The following KCNK5 variants were observed in gnomAD, a reference collection of about 807,000 sequenced individuals.
The protein encoded by KCNK5 is potassium two pore domain channel subfamily K member 5.
A neutral mutation model predicts 32.9 loss-of-function variants in KCNK5; 18 were observed. The observed-to-expected ratio is 0.55, with a 90% CI of 0.38 to 0.81. The LOEUF (loss-of-function observed/expected upper bound fraction) is 0.81, where lower values mean the gene tolerates loss of function less well. Among genes scored for constraint, KCNK5 ranks in the 30% least tolerant of loss-of-function variants. KCNK5 has a pLI of 0.00. For synonymous variants in KCNK5, 276 were observed against 275.3 expected (o/e 1.00, Z -0.03); for missense variants, 507 against 651.0 (o/e 0.78, Z 2.41).
At chr6:39,210,430 C>T (rs1288965325) in intron 1 of KCNK5, among the ~76,000 whole-genome samples, 8 of 152,172 alleles carry the variant, frequency 5.3e-5, no homozygotes, top group African/African-American at 1.9e-4. Context: ...GGGCCATGCC[C>T]CTCTTTGGAG....
Position 39,203,833 on chromosome 6 carries a change from G to C in KCNK5, c.187-7846C>G, listed in dbSNP as rs548844727. Among the ~76,000 whole-genome samples, 8 of 152,256 alleles carry C rather than the reference G, an allele frequency of 5.3e-5. No individual in the cohort carries two copies. The South Asian group carries it at 1.7e-3, about 32-fold the overall frequency. On this transcript the variant is annotated intron_variant, in intron 1 of 4. Coordinates refer to ENST00000359534, the MANE Select transcript of KCNK5 (RefSeq NM_003740.4). ...GGGGCTGCCCTAGTGGAAGCTGACA[G>C]GGGGAGGGAGGCTCAGGCCTTCTCC...
At chr6:39,217,364 G>A (rs1328563253) in intron 1 of KCNK5, among the ~76,000 whole-genome samples, 4 of 151,984 alleles carry the variant, frequency 2.6e-5, no homozygotes, top group African/African-American at 4.8e-5. Flanking sequence ...AGATGCTGGC[G>A]GGTCTTCTGA....
At chr6:39,216,917 T>A (rs1410370749) in intron 1 of KCNK5, among the ~76,000 whole-genome samples, 1 of 150,304 alleles carries the variant, frequency 6.7e-6, no homozygotes, top group Non-Finnish European at 1.5e-5. Context: ...AGGTCAAGAG[T>A]TCGAGAACCG....
intron 1 of KCNK5, among the ~76,000 whole-genome samples, chr6:39,221,215 C>T (rs1296916784): frequency 6.6e-6 from 1 of 152,176 alleles, no homozygotes; most frequent in East Asian, 1.9e-4. Context: ...AGGGTGGCTG[C>T]CATGATTCAG....
chr6:39,219,316 T>C (rs1771500531), intron 1 of KCNK5, among the ~76,000 whole-genome samples: 1 of 152,158 alleles, frequency 6.6e-6, no homozygotes, highest in Non-Finnish European at 1.5e-5. Context: ...AATAAGCTGG[T>C]CTTGAAGGCT....
chr6:39,227,126 G>A (rs1317184045), intron 1 of KCNK5, among the ~76,000 whole-genome samples: 1 of 114,000 alleles, frequency 8.8e-6, no homozygotes, highest in Non-Finnish European at 1.8e-5. Context: ...CCCGCCGTAT[G>A]CCCCGCCAGC....
Position 39,229,209 on chromosome 6 carries a change from G to A in KCNK5, c.-98C>T, listed in dbSNP as rs1472624138. 4 of 1,276,338 alleles carry A rather than the reference G, an allele frequency of 3.1e-6. No individual in the cohort carries two copies. The highest frequency in any genetic ancestry group is 4.4e-6 in the Non-Finnish European group (4 of 919,186). The allele number at this position is 1,276,338 out of a possible 1,614,324, so 79.1% of individuals were successfully genotyped here. A position where few individuals can be genotyped will look rare whatever the true frequency, so the allele number is the denominator to read the frequency against. On this transcript the variant is annotated 5_prime_UTR_variant, in exon 1 of 5. Transcript: ENST00000359534. Reference sequence around the variant, plus strand: ...CCTCTGAAAACAGCTGTTTGAATTTGGAGCTCCGCATGCGCAGTGCCCGGT... The same window carrying A: ...CCTCTGAAAACAGCTGTTTGAATTTAGAGCTCCGCATGCGCAGTGCCCGGT...
rs1770905624 is a variant in KCNK5, at chr6:39,190,719, C to T, written c.*171G>A. The T allele has an allele frequency of 1.7e-6, 1 of 587,586 alleles. No individual in the cohort carries two copies. The highest frequency in any genetic ancestry group is 1.9e-5 in the African/African-American group (1 of 53,702). 36.4% of individuals were successfully genotyped at this position (587,586 alleles called of 1,614,324 possible). ...TCAGCTGGAGAACAGAGGCCCTGTC[C>T]CGGGCATACATCTAGCTGAGGATGA... On this transcript the variant is annotated 3_prime_UTR_variant, in exon 5 of 5. Coordinates refer to ENST00000359534, the MANE Select transcript of KCNK5 (RefSeq NM_003740.4).
At chr6:39,205,307 C>T (rs932941106) in intron 1 of KCNK5, among the ~76,000 whole-genome samples, 2 of 152,222 alleles carry the variant, frequency 1.3e-5, no homozygotes, top group African/African-American at 2.4e-5. Context: ...GAGAAGTGGG[C>T]CTGGGGAGCA....
chr6:39,196,455 C>T (rs931120439), intron 1 of KCNK5, among the ~76,000 whole-genome samples: 3 of 152,210 alleles, frequency 2.0e-5, no homozygotes, highest in Non-Finnish European at 4.4e-5. Flanking sequence ...AAGGAGGTCC[C>T]CTGTGCCTCA....
intron 1 of KCNK5, among the ~76,000 whole-genome samples, chr6:39,213,573 C>A (rs1045731935): frequency 6.6e-6 from 1 of 152,162 alleles, no homozygotes; most frequent in Admixed American, 6.6e-5. Context: ...CAGGCCAGAG[C>A]CCACCAGTTC....
chr6:39,194,609 CTT>C lies in KCNK5; in HGVS notation c.448_449del (p.Lys150GlufsTer36). On this transcript the variant is annotated frameshift_variant, in exon 3 of 5. Transcript: ENST00000359534. LOFTEE classifies it high-confidence loss of function. This position sits in a 1 kb window ranked among gnomAD's most constrained non-coding sequence, Gnocchi z 4.7. ...GGGGACATACCAGACTCACACCTCT[CTT>C]GGTAAGGAACTGCCCTAGTCTCTTG... The part of the protein sequence containing the change: ...RAKRLGQFLT[K>X]RGVSLRKAQI... 6.2e-7 allele frequency: 1 copy of C among 1,614,158 alleles called. No individual in the cohort carries two copies. The highest frequency in any genetic ancestry group is 1.7e-5 in the Admixed American group (1 of 60,022).
At chr6:39,217,132 A>AAAAAAG (rs1208497650) in intron 1 of KCNK5, among the ~76,000 whole-genome samples, 102 of 135,916 alleles carry the variant, frequency 7.5e-4, no homozygotes, top group Non-Finnish European at 1.4e-3. Flanking sequence ...AAAAAAAAAA[A>AAAAAAG]AAAAAAAAAA....
chr6:39,203,779 A>G (rs989726829), intron 1 of KCNK5, among the ~76,000 whole-genome samples: 2 of 152,246 alleles, frequency 1.3e-5, no homozygotes, highest in African/African-American at 4.8e-5. Flanking sequence ...ACAACTTTTA[A>G]AAAGCTCCAG....
chr6:39,207,685 G>A (rs1288128350), intron 1 of KCNK5, among the ~76,000 whole-genome samples: 1 of 152,132 alleles, frequency 6.6e-6, no homozygotes, highest in East Asian at 1.9e-4. Flanking sequence ...CAGGGTGTTT[G>A]AAGGCCTGAT....
chr6:39,223,381 A>T (rs1322926957), intron 1 of KCNK5, among the ~76,000 whole-genome samples: 1 of 152,212 alleles, frequency 6.6e-6, no homozygotes, highest in African/African-American at 2.4e-5. Flanking sequence ...GTACAGCCAT[A>T]CTTGGGAAGA....
intron 1 of KCNK5, among the ~76,000 whole-genome samples, chr6:39,209,408 T>TC: frequency 6.6e-6 from 1 of 152,082 alleles, no homozygotes; most frequent in Non-Finnish European, 1.5e-5. Context: ...CCACCATCCA[T>TC]CCCCAGCCAA....
At position 39,191,876 on chromosome 6, in the gene KCNK5, G is replaced by A. The variant is rs7760646; in HGVS notation, c.635-121C>T. On this transcript the variant is annotated intron_variant, in intron 4 of 4. Coordinates refer to ENST00000359534, the MANE Select transcript of KCNK5 (RefSeq NM_003740.4). This position sits in a 1 kb window ranked among gnomAD's most constrained non-coding sequence, Gnocchi z 5.8. ...AGAGCACAGGACGGGGGTGCAGTGG[G>A]ATAGAAAGGGGCCTGTTCTAGACCC... 9.7e-3 allele frequency: 10,188 copies of A among 1,045,042 alleles called. 126 individuals are homozygous for A. Among genetic ancestry groups the A allele is most frequent in the Middle Eastern group, 0.013 (39 of 3,064 alleles). The allele number at this position is 1,045,042 out of a possible 1,614,324, so 64.7% of individuals were successfully genotyped here. A position where few individuals can be genotyped will look rare whatever the true frequency, so the allele number is the denominator to read the frequency against.
At chr6:39,225,196 T>C (rs1334504754) in intron 1 of KCNK5, among the ~76,000 whole-genome samples, 1 of 152,176 alleles carries the variant, frequency 6.6e-6, no homozygotes. Context: ...TGTAGCCTAA[T>C]TCTTTGTATC....
Sources: gnomAD v4.1 joint callset for allele counts (sites outside exome capture counted in the v4.1 genomes callset) on GRCh38, gnomAD v4.1.1 for gene constraint, Gnocchi (gnomAD v3.1) non-coding constraint, MANE v1.5 for transcripts, NCBI Gene and HGNC (gene_info 2026-07-23, HGNC 2026-07-21) for gene names.